The following GPM6B variants were observed in gnomAD, a reference collection of about 807,000 sequenced individuals.
The protein encoded by GPM6B is glycoprotein M6B.
In GPM6B, 4 loss-of-function variants were observed where a neutral mutation model predicts 27.2. The observed-to-expected ratio is 0.15, with a 90% CI of 0.07 to 0.34. The LOEUF (loss-of-function observed/expected upper bound fraction) is 0.34. Ranked by LOEUF, GPM6B falls within the 10% of genes least tolerant of loss-of-function variation. The pLI, the probability that GPM6B is intolerant of heterozygous loss-of-function variation, is 1.00. For missense variants in GPM6B, 183 were observed against 261.9 expected, an observed-to-expected ratio of 0.70 and a Z score of 2.08; for synonymous variants, 124 against 103.1, an observed-to-expected ratio of 1.20 and a Z score of -1.23.
chrX:13,779,769 C>T (rs373514814), intron 5 of GPM6B, 49 bp downstream of exon 5: 18 of 1,040,458 alleles, frequency 1.7e-5, no homozygotes, highest in South Asian at 1.0e-4. Context: ...GACATATGCA[C>T]GAGAGGATAA....
chrX:13,817,877 G>C (rs1329377120), upstream of GPM6B, among the ~76,000 whole-genome samples: 12 of 112,141 alleles, frequency 1.1e-4, no homozygotes, highest in Non-Finnish European at 2.1e-4. Context: ...ATGTTCACAA[G>C]TATATCGAGC....
chrX:13,887,850 C>T (rs1322338271), intron 1 of GPM6B, among the ~76,000 whole-genome samples: 1 of 111,760 alleles, frequency 8.9e-6, no homozygotes, highest in African/African-American at 3.3e-5. Context: ...AGCTCCTCAG[C>T]TGATTCCAAT....
intron 2 of GPM6B, among the ~76,000 whole-genome samples, chrX:13,806,619 ATTTAGAT>A (rs1182132425): frequency 8.9e-6 from 1 of 112,077 alleles, no homozygotes; most frequent in Non-Finnish European, 1.9e-5. Context: ...TGACAACACA[ATTTAGAT>A]TTTAAAGGAA....
intron 2 of GPM6B, among the ~76,000 whole-genome samples, chrX:13,792,777 G>T (rs1178742473): frequency 9.1e-6 from 1 of 110,198 alleles, no homozygotes; most frequent in East Asian, 2.8e-4. Context: ...GCGCATGCCT[G>T]TAATCCCAGC....
At chrX:13,923,788 T>C (rs1045175912) in intron 1 of GPM6B, among the ~76,000 whole-genome samples, 13 of 112,644 alleles carry the variant, frequency 1.2e-4, no homozygotes, top group African/African-American at 3.9e-4. Context: ...GCATCTTGAA[T>C]GTAAACTTGG....
chrX:13,791,214 TTTTC>T (rs2048707458), intron 2 of GPM6B, among the ~76,000 whole-genome samples: 1 of 110,863 alleles, frequency 9.0e-6, no homozygotes, highest in Non-Finnish European at 1.9e-5. Context: ...GGTTTTTTTT[TTTTC>T]TTTCTTTCCT....
chrX:13,890,224 C>T (rs955990070), intron 1 of GPM6B, among the ~76,000 whole-genome samples: 1 of 111,557 alleles, frequency 9.0e-6, no homozygotes, highest in African/African-American at 3.3e-5. Context: ...TCTGGTTGTC[C>T]TCACTGCTAC....
At chrX:13,834,015 T>C (rs151190398) in intron 1 of GPM6B, among the ~76,000 whole-genome samples, 1,545 of 112,620 alleles carry the variant, frequency 0.014, 14 homozygotes, top group Middle Eastern at 0.037. Context: ...TCAAACAACC[T>C]AGGATTTCTT....
At chrX:13,842,671 G>C (rs967381180) in intron 1 of GPM6B, among the ~76,000 whole-genome samples, 2 of 110,934 alleles carry the variant, frequency 1.8e-5, no homozygotes, top group African/African-American at 6.6e-5. Flanking sequence ...TTGAGGCCAG[G>C]AGTTCAGGAG....
At chrX:13,926,217 C>T (rs185805640) in intron 1 of GPM6B, among the ~76,000 whole-genome samples, 68 of 107,025 alleles carry the variant, frequency 6.4e-4, no homozygotes, top group African/African-American at 2.1e-3. Flanking sequence ...TCCTGGCTAA[C>T]GCGGTGAAAC....
intron 2 of GPM6B, among the ~76,000 whole-genome samples, chrX:13,796,095 T>C (rs1259174976): frequency 1.8e-5 from 2 of 111,166 alleles, no homozygotes. Context: ...CTGGCTAATT[T>C]TGTATTTTTA....
At chrX:13,922,932 T>C (rs12844116) in intron 1 of GPM6B, among the ~76,000 whole-genome samples, 47,115 of 110,824 alleles carry the variant, frequency 0.43, 8,193 homozygotes, top group Non-Finnish European at 0.56. Context: ...TCCCAGCACT[T>C]TGGGAGGTCG....
intron 1 of GPM6B, among the ~76,000 whole-genome samples, chrX:13,863,992 AAAAC>A (rs2049880893): frequency 8.9e-6 from 1 of 112,519 alleles, no homozygotes; most frequent in Non-Finnish European, 1.9e-5. Context: ...TTCAGAATTG[AAAAC>A]AAATAATAGC....
chrX:13,857,142 A>G (rs2049790755), intron 1 of GPM6B, among the ~76,000 whole-genome samples: 2 of 111,267 alleles, frequency 1.8e-5, no homozygotes, highest in African/African-American at 6.5e-5. Context: ...CATTGGGCCC[A>G]CTGAGATAAT....
chrX:13,824,374 T>A (rs2049347100), intron 1 of GPM6B, among the ~76,000 whole-genome samples: 1 of 112,168 alleles, frequency 8.9e-6, no homozygotes, highest in Non-Finnish European at 1.9e-5. Flanking sequence ...GGGAAGTTTT[T>A]AAAATATTGA....
chrX:13,772,904 C>G lies in GPM6B; in HGVS notation c.964G>C (p.Glu322Gln). The change falls in exon 8 of 8, where the codon GAA (glutamate) becomes CAA (glutamine). Residue 322 changes from glutamate to glutamine, a missense_variant. Glu to Gln is a conservative substitution (Grantham distance 29). Coordinates refer to ENST00000316715, the MANE Select transcript of GPM6B (RefSeq NM_001001995.3). The stretch of plus-strand genomic sequence containing the variant: ...ATTTATGTGTAAGAATTGAGTTGTT[C>G]TTTTGACCGAGACTGGATATCTTGC... ...ELQDIQSRSKEQLNSYT is the reference protein window; with the variant it reads ...ELQDIQSRSKQQLNSYT 2.5e-6 allele frequency: 3 copies of G among 1,210,686 alleles called. No individual in the cohort carries two copies. The highest frequency in any genetic ancestry group is 3.4e-6 in the Non-Finnish European group (3 of 894,785).
chrX:13,875,042 G>A (rs1230681598), intron 1 of GPM6B, among the ~76,000 whole-genome samples: 5 of 106,677 alleles, frequency 4.7e-5, no homozygotes, highest in African/African-American at 1.7e-4. Context: ...GTATTTCAGT[G>A]GAAACCTGAC....
At chrX:13,880,287 G>C (rs748375406) in intron 1 of GPM6B, among the ~76,000 whole-genome samples, 9 of 111,751 alleles carry the variant, frequency 8.1e-5, no homozygotes, top group Non-Finnish European at 1.7e-4. Context: ...AGGGGACAGA[G>C]AGCTATGTCC....
upstream of GPM6B, among the ~76,000 whole-genome samples, chrX:13,817,981 C>T (rs140492106): frequency 3.6e-3 from 398 of 112,075 alleles, 3 homozygotes; most frequent in African/African-American, 0.012. Context: ...TAGAATTCCT[C>T]ACTCCAAATC....
Sources: gnomAD v4.1 joint callset for allele counts (sites outside exome capture counted in the v4.1 genomes callset) on GRCh38, gnomAD v4.1.1 for gene constraint, MANE v1.5 for transcripts, NCBI Gene and HGNC (gene_info 2026-07-23, HGNC 2026-07-21) for gene names.